Variants in CNOT9 observed in about 807,000 individuals in gnomAD.
The protein encoded by CNOT9 is CCR4-NOT transcription complex subunit 9, also known as RCD1 required for cell differentiation1 homolog.
Under a neutral mutation model 37.4 loss-of-function variants are expected in CNOT9, and 8 were observed. The ratio of observed to expected loss-of-function variants is 0.21; its 90% CI spans 0.13 to 0.39. CNOT9 has a LOEUF of 0.39. Among genes scored for constraint, CNOT9 ranks in the 10% least tolerant of loss-of-function variants. The probability of loss-of-function intolerance (pLI) is 1.00; values close to 1 mark genes in which losing one functional copy is unlikely to be tolerated. For missense variants in CNOT9, 154 were observed against 365.3 expected (o/e 0.42, Z 4.71); for synonymous variants, 120 against 137.6 (o/e 0.87, Z 0.90).
At chr2:218,593,446 T>A in intron 7 of CNOT9, 1 of 801,002 alleles carries the variant, frequency 1.2e-6, no homozygotes, top group South Asian at 2.9e-5. Context: ...ATTCTACTTG[T>A]ACAAAGAAAA....
intron 1 of CNOT9, chr2:218,572,791 A>T (rs1268520067): frequency 1.6e-6 from 1 of 621,554 alleles, no homozygotes; most frequent in East Asian, 1.4e-4. Context: ...GCATCCCTAA[A>T]CACTTGTCTT....
chr2:218,571,738 A>ATTT lies in CNOT9; in HGVS notation c.24+2776_24+2778dup, dbSNP rs34883423. Among the ~76,000 whole-genome samples the ATTT allele has an allele frequency of 8.2e-3, 1,002 of 122,774 alleles. 26 individuals are homozygous for ATTT. Among genetic ancestry groups the ATTT allele is most frequent in the African/African-American group, 0.029 (920 of 31,594 alleles). The allele number at this position is 122,774 out of a possible 152,430, so 80.5% of individuals were successfully genotyped here. A position where few individuals can be genotyped will look rare whatever the true frequency, so the allele number is the denominator to read the frequency against. On this transcript the variant is annotated intron_variant, in intron 1 of 7. Transcript: ENST00000273064. Reference sequence around the variant, plus strand: ...AGGCATTAGCCACGACGCCTGGCTAATTTTTTTTTTTTTTTTTTGTATTTT... The same window carrying ATTT: ...AGGCATTAGCCACGACGCCTGGCTAATTTTTTTTTTTTTTTTTTTTTGTATTTT...
Position 218,568,855 on chromosome 2 carries a change from G to A in CNOT9, c.-100G>A. 7.3e-7 allele frequency: 1 copy of A among 1,371,152 alleles called. No homozygotes were observed. Among genetic ancestry groups the A allele is most frequent in the Non-Finnish European group, 1.0e-6 (1 of 991,964 alleles). The allele number at this position is 1,371,152 out of a possible 1,614,324, so 84.9% of individuals were successfully genotyped here. On this transcript the variant is annotated 5_prime_UTR_variant, in exon 1 of 8. Transcript: ENST00000273064. The stretch of plus-strand genomic sequence containing the variant: ...GGGCGGAGCGAGCCGGAGTCGGATG[G>A]CGGCTACGGCGGCTCATTGTTTTCC...
At position 218,568,942 on chromosome 2, in the gene CNOT9, G is replaced by T. The variant is rs755113166; in HGVS notation, c.-13G>T. On this transcript the variant is annotated 5_prime_UTR_variant, in exon 1 of 8. Transcript: ENST00000273064. ...GCGTCCGGCTGTGGAAGAGAGCGGC[G>T]GCCGCTCACAACATGCACAGCCTGG... The T allele has an allele frequency of 1.2e-6, 2 of 1,607,392 alleles. No homozygotes were observed. Among genetic ancestry groups the T allele is most frequent in the Non-Finnish European group, 1.7e-6 (2 of 1,177,108 alleles).
chr2:218,583,385 T>G (rs1004095267), intron 3 of CNOT9, among the ~76,000 whole-genome samples: 1 of 152,046 alleles, frequency 6.6e-6, no homozygotes, highest in African/African-American at 2.4e-5. Context: ...TACTTCTCAC[T>G]CCCTGACCTG....
At chr2:218,583,124 A>G (rs1220872840) in intron 3 of CNOT9, 38 bp downstream of exon 3, 1 of 1,302,638 alleles carries the variant, frequency 7.7e-7, no homozygotes, top group Non-Finnish European at 1.1e-6. Flanking sequence ...GGAGATATAC[A>G]TTGAATATGG....
chr2:218,594,095 G>A lies in CNOT9; in HGVS notation c.732-13G>A. The A allele has an allele frequency of 1.9e-6, 3 of 1,613,838 alleles. No individual in the cohort carries two copies. Among genetic ancestry groups the A allele is most frequent in the Non-Finnish European group, 2.5e-6 (3 of 1,179,768 alleles). On this transcript the variant is annotated splice_polypyrimidine_tract_variant and intron_variant, in intron 7 of 7. Transcript: ENST00000273064. The stretch of plus-strand genomic sequence containing the variant: ...GTTGGTCTCCCTGGTTGGTTTGTTT[G>A]TTTCTGATGTAGGGCACGTGAAGCA...
Position 218,570,857 on chromosome 2 carries a change from A to G in CNOT9, c.24+1879A>G, listed in dbSNP as rs571735917. Among the ~76,000 whole-genome samples, 9 of 152,308 alleles carry G rather than the reference A, an allele frequency of 5.9e-5. No homozygotes were observed. The East Asian group carries it at 1.7e-3, about 29-fold the overall frequency. On this transcript the variant is annotated intron_variant, in intron 1 of 7. Transcript: ENST00000273064. ...TTCACGTTTTCAGTGCCTTACATTA[A>G]TTTTAAAATTTGAACTTTTAGATGC...
intron 4 of CNOT9, 79 bp downstream of exon 4, chr2:218,584,800 T>C (rs969853929): frequency 9.9e-7 from 1 of 1,011,188 alleles, no homozygotes; most frequent in African/African-American, 1.6e-5. Context: ...TTGCCGGTTA[T>C]GATTTTTGTA....
chr2:218,587,812 G>A (rs1234268442), intron 5 of CNOT9, 117 bp downstream of exon 5: 1 of 469,352 alleles, frequency 2.1e-6, no homozygotes, highest in Non-Finnish European at 3.6e-6. Context: ...TTTCTGTTTT[G>A]AATAAAAATT....
At position 218,594,577 on chromosome 2, in the gene CNOT9, C is replaced by T; in HGVS notation, c.*301C>T. ...TGTATTTGCAGCATGTCCAAGATGA[C>T]CCTTCTCCCCTACCTCTACCTAGCC... On this transcript the variant is annotated 3_prime_UTR_variant, in exon 8 of 8. Transcript: ENST00000273064. The T allele has an allele frequency of 2.8e-6, 1 of 358,458 alleles. No homozygotes were observed. The highest frequency in any genetic ancestry group is 5.1e-6 in the Non-Finnish European group (1 of 195,476). The allele number at this position is 358,458 out of a possible 1,614,324, so 22.2% of individuals were successfully genotyped here. A position where few individuals can be genotyped will look rare whatever the true frequency, so the allele number is the denominator to read the frequency against.
At chr2:218,581,170 C>CT (rs5838702) in intron 2 of CNOT9, 20,844 of 244,772 alleles carry the variant, frequency 0.085, 436 homozygotes, top group African/African-American at 0.15. Flanking sequence ...GTTTGTTTTT[C>CT]TTTTTTTTTT....
At position 218,592,660 on chromosome 2, in the gene CNOT9, G is replaced by A; in HGVS notation, c.684G>A (p.Leu228=). The A allele has an allele frequency of 6.2e-7, 1 of 1,614,184 alleles. No homozygotes were observed. Among genetic ancestry groups the A allele is most frequent in the Non-Finnish European group, 8.5e-7 (1 of 1,180,024 alleles). Residue 228 remains leucine, a synonymous_variant, in exon 7 of 8, where the codon CTG becomes CTA. Transcript: ENST00000273064. This position sits in a 1 kb window ranked among gnomAD's most constrained non-coding sequence, Gnocchi z 4.1. The part of the protein sequence containing the change: ...LQLSKEPSAR[L]LKHVVRCYLR... ...TATCCAAAGAGCCTTCTGCCCGTCTGCTGAAGCATGTAGTGAGATGTTACC... is the reference window on the plus strand; with the variant it reads ...TATCCAAAGAGCCTTCTGCCCGTCTACTGAAGCATGTAGTGAGATGTTACC...
At chr2:218,583,960 A>AT (rs1285363823) in intron 3 of CNOT9, among the ~76,000 whole-genome samples, 1 of 152,246 alleles carries the variant, frequency 6.6e-6, no homozygotes, top group Non-Finnish European at 1.5e-5. Context: ...GAATGTGCTT[A>AT]TTAAAGTATA....
intron 1 of CNOT9, among the ~76,000 whole-genome samples, chr2:218,569,485 C>T (rs532475): frequency 0.61 from 92,152 of 152,072 alleles, 28,137 homozygotes; most frequent in East Asian, 0.78. Flanking sequence ...AAAACTTTTC[C>T]TCGACACATC....
At chr2:218,582,733 T>C (rs1694436950) in intron 2 of CNOT9, among the ~76,000 whole-genome samples, 1 of 151,252 alleles carries the variant, frequency 6.6e-6, no homozygotes, top group African/African-American at 2.4e-5. Flanking sequence ...AATGTGAGTC[T>C]CAAAAAAAAA....
intron 5 of CNOT9, among the ~76,000 whole-genome samples, chr2:218,588,373 C>T (rs1694659220): frequency 1.3e-5 from 2 of 151,348 alleles, no homozygotes; most frequent in South Asian, 4.2e-4. Flanking sequence ...ATTGCAACCT[C>T]CGCCTCCCGG....
intron 3 of CNOT9, among the ~76,000 whole-genome samples, chr2:218,583,652 A>G (rs1264801111): frequency 6.6e-6 from 1 of 152,206 alleles, no homozygotes; most frequent in Non-Finnish European, 1.5e-5. Flanking sequence ...TATGGCCCCA[A>G]AGGCACTTAA....
intron 1 of CNOT9, 52 bp downstream of exon 1, chr2:218,569,030 G>GT: frequency 6.2e-7 from 1 of 1,601,162 alleles, no homozygotes; most frequent in Non-Finnish European, 8.5e-7. Context: ...TCAGACCCAC[G>GT]TTTCGGCCTT....
Sources: allele counts gnomAD v4.1 joint callset (sites outside exome capture counted in the v4.1 genomes callset), GRCh38; gene constraint gnomAD v4.1.1; non-coding constraint Gnocchi (gnomAD v3.1); transcripts MANE v1.5; gene names NCBI Gene and HGNC (gene_info 2026-07-23, HGNC 2026-07-21).